Variants in TXK observed in about 807,000 individuals in gnomAD.
The protein encoded by TXK is TXK tyrosine kinase, also known as tyrosine-protein kinase TXK.
A neutral mutation model predicts 81.0 loss-of-function variants in TXK; 60 were observed. The ratio of observed to expected loss-of-function variants is 0.74; its 90% CI spans 0.60 to 0.92. TXK has a LOEUF of 0.92. Among genes scored for constraint, TXK ranks in the 40% least tolerant of loss-of-function variants. The probability of loss-of-function intolerance (pLI) is 0.00; values close to 1 mark genes in which losing one functional copy is unlikely to be tolerated. For missense variants in TXK, 581 were observed against 638.3 expected (o/e 0.91, Z 0.97); for synonymous variants, 203 against 210.7 (o/e 0.96, Z 0.32).
chr4:48,095,625 G>A (rs1308557251), intron 6 of TXK, among the ~76,000 whole-genome samples: 4 of 152,178 alleles, frequency 2.6e-5, no homozygotes, highest in African/African-American at 9.6e-5. Flanking sequence ...GAGCAACAAG[G>A]TGACAGGGAG....
intron 1 of TXK, among the ~76,000 whole-genome samples, chr4:48,127,197 A>C (rs1385574340): frequency 6.6e-6 from 1 of 152,232 alleles, no homozygotes; most frequent in East Asian, 1.9e-4. Flanking sequence ...TGCGAGAAGA[A>C]AAATCACACT....
chr4:48,102,721 C>T (rs1718245142), intron 6 of TXK, among the ~76,000 whole-genome samples: 1 of 152,078 alleles, frequency 6.6e-6, no homozygotes, highest in African/African-American at 2.4e-5. Context: ...AATGTTTATC[C>T]ACATTGAATA....
intron 5 of TXK, among the ~76,000 whole-genome samples, chr4:48,108,832 C>T (rs73136279): frequency 0.036 from 5,412 of 152,212 alleles, 328 homozygotes; most frequent in African/African-American, 0.12. Context: ...CTGTTATAGC[C>T]AGAGCCTAGG....
intron 6 of TXK, among the ~76,000 whole-genome samples, chr4:48,101,663 A>G (rs1192757776): frequency 1.3e-5 from 2 of 151,964 alleles, no homozygotes; most frequent in African/African-American, 4.8e-5. Flanking sequence ...TATTTTAAAT[A>G]TCCCATGCTT....
chr4:48,134,214 C>T lies in TXK; in HGVS notation c.-44G>A. ...GAGCACACAACAGTCTTCAGTTCTT[C>T]TGCGGTGCTCTACTCACAAAAACAC... On this transcript the variant is annotated 5_prime_UTR_variant, in exon 1 of 15. Coordinates refer to ENST00000264316, the MANE Select transcript of TXK (RefSeq NM_003328.3). The T allele has an allele frequency of 6.2e-7, 1 of 1,608,484 alleles. No homozygotes were observed. The highest frequency in any genetic ancestry group is 8.5e-7 in the Non-Finnish European group (1 of 1,177,508).
intron 6 of TXK, among the ~76,000 whole-genome samples, chr4:48,102,293 T>C (rs2464506): frequency 0.046 from 7,028 of 152,224 alleles, 539 homozygotes; most frequent in African/African-American, 0.16. Flanking sequence ...TTTTTAAATA[T>C]AGACTTACAA....
intron 11 of TXK, among the ~76,000 whole-genome samples, chr4:48,079,199 T>G (rs1371191591): frequency 6.6e-6 from 1 of 152,198 alleles, no homozygotes. Context: ...AAAACGAAGA[T>G]GATAACAGCC....
At chr4:48,105,828 A>C (rs1219399337) in intron 5 of TXK, among the ~76,000 whole-genome samples, 1 of 152,144 alleles carries the variant, frequency 6.6e-6, no homozygotes, top group Non-Finnish European at 1.5e-5. Flanking sequence ...TTCCTTCCTC[A>C]GATTCACCAA....
At chr4:48,102,689 G>A (rs1445508939) in intron 6 of TXK, among the ~76,000 whole-genome samples, 1 of 152,120 alleles carries the variant, frequency 6.6e-6, no homozygotes, top group East Asian at 1.9e-4. Flanking sequence ...GTTTGTAACA[G>A]TAACAAATCA....
At chr4:48,072,457 T>C (rs1339509512) in intron 13 of TXK, among the ~76,000 whole-genome samples, 3 of 152,216 alleles carry the variant, frequency 2.0e-5, no homozygotes, top group African/African-American at 7.2e-5. Context: ...CCCTTCTTTC[T>C]GCTAAAAGAT....
chr4:48,113,195 A>G lies in TXK; in HGVS notation c.174+12T>C, dbSNP rs1718692629. ...TCTCCATTCCCCTCTTGCCTGTCAAAATGATACTTACTTGCTTCTTATTTG... is the reference window on the plus strand; with the variant it reads ...TCTCCATTCCCCTCTTGCCTGTCAAGATGATACTTACTTGCTTCTTATTTG... On this transcript the variant is annotated intron_variant, in intron 3 of 14. Coordinates refer to ENST00000264316, the MANE Select transcript of TXK (RefSeq NM_003328.3). 1 of 1,605,558 alleles carries G rather than the reference A, an allele frequency of 6.2e-7. No individual in the cohort carries two copies. Among genetic ancestry groups the G allele is most frequent in the South Asian group, 1.1e-5 (1 of 90,810 alleles).
At chr4:48,100,878 T>C (rs1217384155) in intron 6 of TXK, among the ~76,000 whole-genome samples, 1 of 152,088 alleles carries the variant, frequency 6.6e-6, no homozygotes, top group Non-Finnish European at 1.5e-5. Flanking sequence ...ATGTTTTGTG[T>C]ACTGATGTGG....
intron 6 of TXK, among the ~76,000 whole-genome samples, chr4:48,102,542 G>A (rs1718238033): frequency 6.6e-6 from 1 of 152,192 alleles, no homozygotes; most frequent in Non-Finnish European, 1.5e-5. Context: ...CCACAAGAGC[G>A]TAAATTAGTA....
chr4:48,096,718 A>C (rs1717996003), intron 6 of TXK, among the ~76,000 whole-genome samples: 1 of 151,936 alleles, frequency 6.6e-6, no homozygotes, highest in Non-Finnish European at 1.5e-5. Context: ...TTGTGGAGAC[A>C]AGGTTTCACC....
intron 6 of TXK, 74 bp downstream of exon 6, chr4:48,104,827 C>A: frequency 1.7e-6 from 2 of 1,147,506 alleles, no homozygotes; most frequent in Non-Finnish European, 2.5e-6. Flanking sequence ...AAATAATATA[C>A]TTTTTTAGTT....
intron 10 of TXK, among the ~76,000 whole-genome samples, chr4:48,082,821 G>A (rs774466178): frequency 3.7e-4 from 57 of 152,148 alleles, no homozygotes; most frequent in Admixed American, 5.2e-4. Flanking sequence ...AAGAAGGAAC[G>A]TCAGGAGGAG....
At chr4:48,114,591 G>A in intron 1 of TXK, 189 bp from the exon 2 acceptor site, 1 of 603,072 alleles carries the variant, frequency 1.7e-6, no homozygotes, top group Admixed American at 2.9e-5. Context: ...TGGCCAGTGT[G>A]GTTTCCCTTC....
chr4:48,083,664 C>T (rs28728359), intron 10 of TXK, among the ~76,000 whole-genome samples: 1 of 152,214 alleles, frequency 6.6e-6, no homozygotes, highest in Admixed American at 6.5e-5. Context: ...TTCATTAATT[C>T]ATTCAATAGT....
intron 10 of TXK, among the ~76,000 whole-genome samples, chr4:48,085,360 G>C (rs950063455): frequency 6.6e-6 from 1 of 151,880 alleles, no homozygotes; most frequent in Non-Finnish European, 1.5e-5. Flanking sequence ...GAGATGAGTA[G>C]TGTATCACTA....
Sources: allele counts gnomAD v4.1 joint callset (sites outside exome capture counted in the v4.1 genomes callset), GRCh38; gene constraint gnomAD v4.1.1; transcripts MANE v1.5; gene names NCBI Gene and HGNC (gene_info 2026-07-23, HGNC 2026-07-21).